DPP6: variants seen among roughly 807,000 people sequenced by gnomAD.
DPP6 encodes A-type potassium channel modulatory protein DPP6.
A neutral mutation model predicts 122.6 loss-of-function variants in DPP6; 69 were observed. The ratio of observed to expected loss-of-function variants is 0.56; its 90% confidence interval spans 0.46 to 0.69. The LOEUF is 0.69. DPP6 is among the 30% of genes least tolerant of loss of function. The pLI is 0.00. For synonymous variants in DPP6, 418 were observed against 433.1 expected (o/e 0.97, Z 0.43); for missense variants, 928 against 1,116.9 (o/e 0.83, Z 2.41).
chr7:154,129,466 G>A lies in DPP6; in HGVS notation c.243+76403G>A, dbSNP rs186641872. Among the ~76,000 whole-genome samples, 684 of 152,264 alleles carry A rather than the reference G, an allele frequency of 4.5e-3. 9 individuals are homozygous for A. Among genetic ancestry groups the A allele is most frequent in the African/African-American group, 0.016 (663 of 41,548 alleles). On this transcript the variant is annotated intron_variant, in intron 1 of 25. Coordinates refer to ENST00000377770, the MANE Select transcript of DPP6 (RefSeq NM_130797.4). ...TCCTTCCCTGTTGACTTAACCTTTTGAAAACATAGACATGGGCCAGGCACG... is the reference window on the plus strand; with the variant it reads ...TCCTTCCCTGTTGACTTAACCTTTTAAAAACATAGACATGGGCCAGGCACG...
chr7:154,526,102 G>A (rs1247656642), intron 3 of DPP6, among the ~76,000 whole-genome samples: 1 of 152,154 alleles, frequency 6.6e-6, no homozygotes, highest in Non-Finnish European at 1.5e-5. Flanking sequence ...CGATTACTGA[G>A]GCTCCTGCTA....
intron 1 of DPP6, among the ~76,000 whole-genome samples, chr7:154,056,144 C>T (rs548618123): frequency 6.6e-6 from 1 of 152,242 alleles, no homozygotes; most frequent in East Asian, 1.9e-4. Context: ...AAGGGACTTC[C>T]CAACTGTGTG....
At chr7:154,891,091 C>T (rs1444472496) in intron 25 of DPP6, 1 of 152,120 alleles carries the variant, frequency 6.6e-6, no homozygotes, top group Non-Finnish European at 1.5e-5. Flanking sequence ...AATAGCCGGA[C>T]GTAGTCATGT....
chr7:153,994,412 A>C (rs1797333947), intron 1 of DPP6, among the ~76,000 whole-genome samples: 1 of 151,790 alleles, frequency 6.6e-6, no homozygotes, highest in South Asian at 2.1e-4. Context: ...CTAATTTTTA[A>C]AAAATCATTT....
At chr7:154,523,062 T>C (rs929782114) in intron 3 of DPP6, among the ~76,000 whole-genome samples, 2 of 152,224 alleles carry the variant, frequency 1.3e-5, no homozygotes, top group African/African-American at 4.8e-5. Context: ...CATTCCCAAG[T>C]GGTGCCTGCA....
intron 1 of DPP6, among the ~76,000 whole-genome samples, chr7:154,251,486 T>C (rs754878646): frequency 6.6e-6 from 1 of 152,108 alleles, no homozygotes; most frequent in Non-Finnish European, 1.5e-5. Context: ...TATGCATATA[T>C]AAAAGGGAGT....
chr7:154,011,052 G>A (rs1467161782), intron 1 of DPP6, among the ~76,000 whole-genome samples: 1 of 152,156 alleles, frequency 6.6e-6, no homozygotes, highest in African/African-American at 2.4e-5. Context: ...TTGAGTGCAG[G>A]ATAACCTTTA....
rs1307959416 is a variant in DPP6 at position 154,481,329 on chromosome 7, G to A, written c.457+6292G>A. Among the ~76,000 whole-genome samples the A allele has an allele frequency of 7.1e-6, 1 of 140,898 alleles. No individual in the cohort carries two copies. Among genetic ancestry groups the A allele is most frequent in the East Asian group, 2.1e-4 (1 of 4,812 alleles). The allele number at this position is 140,898 out of a possible 152,430, so 92.4% of individuals were successfully genotyped here. On this transcript the variant is annotated intron_variant, in intron 3 of 25. Coordinates refer to ENST00000377770, the MANE Select transcript of DPP6 (RefSeq NM_130797.4). This position sits in a 1 kb window ranked among gnomAD's most constrained non-coding sequence, Gnocchi z 4.2. Reference sequence around the variant, plus strand: ...AAATGCTCTTCCGAGCTATACACTTGGAGAGAGAGAGAGAGGGGTGTGTGT... The same window carrying A: ...AAATGCTCTTCCGAGCTATACACTTAGAGAGAGAGAGAGAGGGGTGTGTGT...
At chr7:154,125,560 T>A (rs546535689) in intron 1 of DPP6, among the ~76,000 whole-genome samples, 1 of 152,172 alleles carries the variant, frequency 6.6e-6, no homozygotes, top group Non-Finnish European at 1.5e-5. Context: ...CATGGCCTCT[T>A]ACAAGGAAGT....
At chr7:154,521,887 A>G (rs1354165739) in intron 3 of DPP6, among the ~76,000 whole-genome samples, 1 of 152,130 alleles carries the variant, frequency 6.6e-6, no homozygotes, top group Admixed American at 6.5e-5. Flanking sequence ...AATGCCTCCT[A>G]ATAACCTCAG....
intron 1 of DPP6, among the ~76,000 whole-genome samples, chr7:154,220,694 G>A (rs1446451985): frequency 6.6e-6 from 1 of 152,164 alleles, no homozygotes; most frequent in Non-Finnish European, 1.5e-5. Flanking sequence ...CTCCAGAACT[G>A]TGAAAAAATA....
At chr7:154,208,964 GA>G (rs1799597463) in intron 1 of DPP6, among the ~76,000 whole-genome samples, 1 of 152,040 alleles carries the variant, frequency 6.6e-6, no homozygotes, top group South Asian at 2.1e-4. Flanking sequence ...CATGCACATG[GA>G]CACACACACT....
At chr7:154,023,230 T>G (rs375276061) in intron 1 of DPP6, among the ~76,000 whole-genome samples, 3,047 of 149,578 alleles carry the variant, frequency 0.02, 131 homozygotes, top group African/African-American at 0.074. Context: ...AACCACAGAG[T>G]TCACATGGAG....
At chr7:154,536,429 C>T (rs180864905) in intron 3 of DPP6, among the ~76,000 whole-genome samples, 5 of 152,116 alleles carry the variant, frequency 3.3e-5, no homozygotes, top group Admixed American at 1.3e-4. Context: ...AAGAAAAATA[C>T]CTAAATAAAT....
intron 1 of DPP6, among the ~76,000 whole-genome samples, chr7:153,915,182 T>G (rs1800254070): frequency 6.6e-6 from 1 of 152,182 alleles, no homozygotes; most frequent in African/African-American, 2.4e-5. Context: ...CAGAAATCCA[T>G]CCGCCCAACA....
At chr7:153,825,849 C>T in the DPP6 span, among the ~76,000 whole-genome samples, 3 of 152,184 alleles carry the variant, frequency 2.0e-5, no homozygotes, top group Non-Finnish European at 4.4e-5. Context: ...GCAGGAGCCA[C>T]CACTCCTGGC....
In DPP6 at chr7:154,755,297, C is replaced by T. The variant is rs1156499315; in HGVS notation, c.884-14120C>T. Among the ~76,000 whole-genome samples, 13 of 151,972 alleles carry T rather than the reference C, an allele frequency of 8.6e-5. No homozygotes were observed. The highest frequency in any genetic ancestry group is 5.9e-4 in the Admixed American group (9 of 15,256). On this transcript the variant is annotated intron_variant, in intron 8 of 25. Coordinates refer to ENST00000377770, the MANE Select transcript of DPP6 (RefSeq NM_130797.4). The surrounding 1 kb of genome is among the most constrained non-coding windows in gnomAD (Gnocchi z 4.7). ...TCACTTGATAGGATGTTTTGAGACC[C>T]GGACATCCCCAGCAGCCCAGCATGC...
At chr7:154,303,595 T>G (rs764473530) in intron 1 of DPP6, among the ~76,000 whole-genome samples, 4 of 152,086 alleles carry the variant, frequency 2.6e-5, no homozygotes, top group Non-Finnish European at 5.9e-5. Flanking sequence ...TGAGAACTGA[T>G]ACCACTGCTA....
intron 1 of DPP6, among the ~76,000 whole-genome samples, chr7:153,973,960 G>A (rs536954079): frequency 1.7e-4 from 26 of 151,840 alleles, no homozygotes; most frequent in Non-Finnish European, 3.4e-4. Context: ...AGTTTTACCC[G>A]ATGAACCCTT....
Sources: allele counts gnomAD v4.1 joint callset (sites outside exome capture counted in the v4.1 genomes callset), GRCh38; gene constraint gnomAD v4.1.1; non-coding constraint Gnocchi (gnomAD v3.1); transcripts MANE v1.5; gene names NCBI Gene and HGNC (gene_info 2026-07-23, HGNC 2026-07-21).